MAPRE2: variants seen among roughly 807,000 people sequenced by gnomAD.
MAPRE2 encodes microtubule associated protein RP/EB family member 2.
MAPRE2 carries 13 observed loss-of-function variants against 43.2 expected under a neutral mutation model. The observed-to-expected ratio is 0.30, with a 90% CI of 0.20 to 0.48. The LOEUF is 0.48. Among genes scored for constraint, MAPRE2 ranks in the 20% least tolerant of loss-of-function variants. The pLI is 0.99. For synonymous variants in MAPRE2, 135 were observed against 148.8 expected (o/e 0.91, Z 0.68); for missense variants, 161 against 400.2 (o/e 0.40, Z 5.10).
At chr18:35,124,359 G>T (rs1909817389) in intron 4 of MAPRE2, among the ~76,000 whole-genome samples, 1 of 152,120 alleles carries the variant, frequency 6.6e-6, no homozygotes, top group South Asian at 2.1e-4. Context: ...TCAATTACCT[G>T]CCACGGGGTC....
intron 4 of MAPRE2, among the ~76,000 whole-genome samples, chr18:35,106,030 T>TAA (rs1908888959): frequency 6.6e-6 from 1 of 152,160 alleles, no homozygotes; most frequent in African/African-American, 2.4e-5. Flanking sequence ...AAAGCCGTTC[T>TAA]CTTTATACAC....
chr18:35,022,146 G>T lies in MAPRE2; in HGVS notation c.-8+16593G>T, dbSNP rs114127124. ...AAAGGTTTGAAAACTTTACGTCTCTGTATCTCTCAAAAAATAATTTCTAGA... is the reference window on the plus strand; with the variant it reads ...AAAGGTTTGAAAACTTTACGTCTCTTTATCTCTCAAAAAATAATTTCTAGA... On this transcript the variant is annotated intron_variant, in intron 2 of 7. Transcript: ENST00000413393. 4.3e-3 allele frequency among the ~76,000 whole-genome samples: 653 copies of T among 152,204 alleles called. 5 individuals carry two copies. The highest frequency in any genetic ancestry group is 0.015 in the African/African-American group (616 of 41,552).
chr18:35,082,222 G>A (rs1156707061), intron 2 of MAPRE2: 2 of 75,152 alleles, frequency 2.7e-5, no homozygotes, highest in East Asian at 7.2e-4. Context: ...CCCGGGAGGC[G>A]GAGCTTGCAG....
intron 2 of MAPRE2, among the ~76,000 whole-genome samples, chr18:35,088,630 A>C (rs1258464879): frequency 3.9e-5 from 6 of 152,204 alleles, no homozygotes. Context: ...AAGTCTGTGT[A>C]TCTGTTGATG....
At chr18:35,042,730 C>T (rs144079137) in intron 1 of MAPRE2, among the ~76,000 whole-genome samples, 206 of 152,240 alleles carry the variant, frequency 1.4e-3, no homozygotes, top group African/African-American at 4.8e-3. Flanking sequence ...GCACACATAC[C>T]TCTAAAGCGC....
intron 1 of MAPRE2, chr18:34,978,549 G>A (rs2097014439): frequency 6.4e-7 from 1 of 1,551,490 alleles, no homozygotes; most frequent in Non-Finnish European, 8.7e-7. Context: ...AAGGTAATCT[G>A]AAGAATGGCA....
intron 4 of MAPRE2, among the ~76,000 whole-genome samples, chr18:35,120,444 T>G (rs1909621544): frequency 6.6e-6 from 1 of 152,210 alleles, no homozygotes; most frequent in Non-Finnish European, 1.5e-5. Flanking sequence ...CAGAACCCTG[T>G]TAAAGTTTCA....
intron 2 of MAPRE2, among the ~76,000 whole-genome samples, chr18:35,091,995 G>A (rs901406542): frequency 6.6e-6 from 1 of 152,228 alleles, no homozygotes; most frequent in Non-Finnish European, 1.5e-5. Context: ...GGGAAAGCAG[G>A]CACATCTTAC....
At chr18:34,985,326 AATATAATATATAATATATTATATTATAT>A (rs2097019482) in intron 1 of MAPRE2, among the ~76,000 whole-genome samples, 1 of 37,432 alleles carries the variant, frequency 2.7e-5, no homozygotes, top group Admixed American at 5.5e-4. Flanking sequence ...TTATATATAT[AATATAATATATAATATATTATATTATAT>A]ATATAATATA....
intron 2 of MAPRE2, among the ~76,000 whole-genome samples, chr18:35,032,828 C>T (rs1442359109): frequency 6.6e-6 from 1 of 152,054 alleles, no homozygotes; most frequent in Non-Finnish European, 1.5e-5. Context: ...TTTGGTGGAT[C>T]TAGACCTCAA....
At chr18:35,100,674 C>T (rs1425740354) in intron 3 of MAPRE2, among the ~76,000 whole-genome samples, 1 of 152,166 alleles carries the variant, frequency 6.6e-6, no homozygotes, top group Non-Finnish European at 1.5e-5. Context: ...TTATTCATCT[C>T]CACTCTCTAG....
At chr18:34,997,304 C>A (rs999715032) in intron 1 of MAPRE2, among the ~76,000 whole-genome samples, 1 of 152,050 alleles carries the variant, frequency 6.6e-6, no homozygotes, top group African/African-American at 2.4e-5. Context: ...TTTAGGGGAT[C>A]CTAAAGGATT....
intron 1 of MAPRE2, among the ~76,000 whole-genome samples, chr18:34,994,931 T>C (rs577734340): frequency 6.6e-6 from 1 of 152,316 alleles, no homozygotes; most frequent in African/African-American, 2.4e-5. Context: ...CAAATGATAG[T>C]TGAATTCTCA....
intron 2 of MAPRE2, among the ~76,000 whole-genome samples, chr18:35,071,200 A>G (rs1907101295): frequency 6.6e-6 from 1 of 152,176 alleles, no homozygotes. Context: ...CTTCAATGAC[A>G]AAATAGGAGG....
chr18:34,997,873 T>C (rs1292234724), intron 1 of MAPRE2, among the ~76,000 whole-genome samples: 2 of 152,168 alleles, frequency 1.3e-5, no homozygotes, highest in Non-Finnish European at 2.9e-5. Flanking sequence ...ATGTGATATA[T>C]ATAAAATAAT....
Position 35,033,714 on chromosome 18 carries a change from T to G in MAPRE2, c.-8+28161T>G, listed in dbSNP as rs546564714. ...AAAAATCACAAGCATTCTTATACAC[T>G]AATAACAGACAAACAGAGAGCCAAA... On this transcript the variant is annotated intron_variant, in intron 2 of 7. Transcript: ENST00000413393. Among the ~76,000 whole-genome samples, 177 of 150,328 alleles carry G rather than the reference T, an allele frequency of 1.2e-3. 1 individual carries two copies. The highest frequency in any genetic ancestry group is 4.1e-3 in the African/African-American group (169 of 41,070).
In MAPRE2 at chr18:35,119,404, T is replaced by C. The variant is rs143419846; in HGVS notation, c.611-7544T>C. On this transcript the variant is annotated intron_variant, in intron 4 of 6. Coordinates refer to ENST00000300249, the MANE Select transcript of MAPRE2 (RefSeq NM_014268.4). ...TCTCTTGTTCATAGCACTTATTTTCTAGTTTATTCTATCACTTCCTAATTT... is the reference window on the plus strand; with the variant it reads ...TCTCTTGTTCATAGCACTTATTTTCCAGTTTATTCTATCACTTCCTAATTT... Among the ~76,000 whole-genome samples the C allele has an allele frequency of 1.6e-4, 25 of 152,356 alleles. No individual in the cohort carries two copies. The East Asian group carries it at 4.2e-3, about 26-fold the overall frequency.
At chr18:35,017,359 G>A (rs186970064) in intron 2 of MAPRE2, among the ~76,000 whole-genome samples, 1 of 147,486 alleles carries the variant, frequency 6.8e-6, no homozygotes, top group African/African-American at 2.5e-5. Flanking sequence ...TTGGTAGTTT[G>A]ATAGGTATAG....
At chr18:35,064,308 C>T (rs1906722340) in intron 1 of MAPRE2, among the ~76,000 whole-genome samples, 1 of 151,980 alleles carries the variant, frequency 6.6e-6, no homozygotes. Flanking sequence ...TATCATGAAA[C>T]CTGCTGGAAA....
Sources: allele counts gnomAD v4.1 joint callset (sites outside exome capture counted in the v4.1 genomes callset), GRCh38; gene constraint gnomAD v4.1.1; transcripts MANE v1.5; gene names NCBI Gene and HGNC (gene_info 2026-07-23, HGNC 2026-07-21).